The following TRMT61B variants were observed in gnomAD, a reference collection of about 807,000 sequenced individuals.
TRMT61B encodes the protein tRNA (adenine(58)-N(1))-methyltransferase, mitochondrial.
Under a neutral mutation model 52.0 loss-of-function variants are expected in TRMT61B, and 56 were observed. The observed-to-expected ratio is 1.08, with a 90% confidence interval of 0.87 to 1.35. TRMT61B has a LOEUF of 1.35. Ranked by LOEUF, TRMT61B falls within the 40% of genes most tolerant of loss-of-function variation. The probability of loss-of-function intolerance (pLI) is 0.00; values close to 1 mark genes in which losing one functional copy is unlikely to be tolerated. For missense variants in TRMT61B, 650 were observed against 577.9 expected, an observed-to-expected ratio of 1.12 and a Z score of -1.28; for synonymous variants, 206 against 220.0, an observed-to-expected ratio of 0.94 and a Z score of 0.56.
chr2:28,866,861 T>C (rs1005711093), intron 1 of TRMT61B, among the ~76,000 whole-genome samples: 1 of 152,174 alleles, frequency 6.6e-6, no homozygotes, highest in African/African-American at 2.4e-5. Context: ...AGTAGTGCAA[T>C]AGTAGCTCAC....
At chr2:28,858,813 A>G (rs981458807) in intron 3 of TRMT61B, among the ~76,000 whole-genome samples, 3 of 150,956 alleles carry the variant, frequency 2.0e-5, no homozygotes, top group East Asian at 1.9e-4. Context: ...AAAAAAAAAA[A>G]AAAAAAGAAA....
At chr2:28,869,484 T>C in intron 1 of TRMT61B, 95 bp downstream of exon 1, 1 of 841,842 alleles carries the variant, frequency 1.2e-6, no homozygotes, top group Non-Finnish European at 1.9e-6. Flanking sequence ...ATCCAAACGT[T>C]CTGAGATGTC....
chr2:28,866,517 T>A (rs1669855978), intron 1 of TRMT61B, among the ~76,000 whole-genome samples: 1 of 152,100 alleles, frequency 6.6e-6, no homozygotes, highest in Non-Finnish European at 1.5e-5. Flanking sequence ...GAGTTTGCAC[T>A]CCTATGAGAA....
intron 2 of TRMT61B, among the ~76,000 whole-genome samples, chr2:28,864,446 C>G (rs1669742025): frequency 6.6e-6 from 1 of 152,200 alleles, no homozygotes; most frequent in African/African-American, 2.4e-5. Flanking sequence ...CTGCTGCATG[C>G]AATGAGTGAA....
intron 3 of TRMT61B, among the ~76,000 whole-genome samples, chr2:28,860,796 A>T (rs1669568260): frequency 6.6e-6 from 1 of 152,198 alleles, no homozygotes; most frequent in Admixed American, 6.5e-5. Flanking sequence ...TGCCGGGTTC[A>T]ATATGCTTCC....
intron 3 of TRMT61B, among the ~76,000 whole-genome samples, chr2:28,860,441 G>A (rs1669555027): frequency 6.6e-6 from 1 of 152,058 alleles, no homozygotes; most frequent in South Asian, 2.1e-4. Flanking sequence ...ACTGTGAAGT[G>A]GCATCACCAA....
chr2:28,859,983 T>C (rs58713049), intron 3 of TRMT61B, among the ~76,000 whole-genome samples: 1 of 152,014 alleles, frequency 6.6e-6, no homozygotes, highest in East Asian at 1.9e-4. Flanking sequence ...ATAAAAATCA[T>C]TTTCATGGCC....
In TRMT61B at chr2:28,851,125, T is replaced by A; in HGVS notation, c.1259A>T (p.Asp420Val). The change falls in exon 5 of 7, where the codon GAT becomes GTT. Residue 420 changes from aspartate (D) to valine (V), a missense_variant. Coordinates refer to ENST00000306108, the MANE Select transcript of TRMT61B (RefSeq NM_017910.4). ...ESKINTDVQL[D>V]SQEKIGVKGE... ...TTTAACTCCAATTTTCTCTTGAGAATCTAGTTGTACATCTGTGTTGATTTT... is the reference window on the plus strand; with the variant it reads ...TTTAACTCCAATTTTCTCTTGAGAAACTAGTTGTACATCTGTGTTGATTTT... 6.2e-7 allele frequency: 1 copy of A among 1,612,538 alleles called. No individual in the cohort carries two copies. The highest frequency in any genetic ancestry group is 1.7e-4 in the Middle Eastern group (1 of 6,056).
At chr2:28,851,895 A>C (rs1024407207) in intron 4 of TRMT61B, among the ~76,000 whole-genome samples, 7 of 149,494 alleles carry the variant, frequency 4.7e-5, no homozygotes, top group African/African-American at 7.5e-5. Flanking sequence ...AAAAAAAAAA[A>C]AAAAAACGAA....
chr2:28,869,830 G>GTC lies in TRMT61B; in HGVS notation c.446_447dup (p.Pro150AspfsTer8). 6.2e-7 allele frequency: 1 copy of GTC among 1,614,160 alleles called. No individual in the cohort carries two copies. The highest frequency in any genetic ancestry group is 1.1e-5 in the South Asian group (1 of 91,084). On this transcript the variant is annotated frameshift_variant, in exon 1 of 7. Transcript: ENST00000306108. LOFTEE classifies it high-confidence loss of function. ...AAAATCAGTTCCCCAGCCTGAAAGGGTCTCTCTCTGGAAGTTGAACAAGAA... is the reference window on the plus strand; with the variant it reads ...AAAATCAGTTCCCCAGCCTGAAAGGGTCTCTCTCTCTGGAAGTTGAACAAGAA...
At chr2:28,867,590 G>A (rs1669903002) in intron 1 of TRMT61B, among the ~76,000 whole-genome samples, 1 of 152,188 alleles carries the variant, frequency 6.6e-6, no homozygotes, top group African/African-American at 2.4e-5. Context: ...CCTCCTTAGA[G>A]TGGAACAATG....
At chr2:28,850,967 T>C in intron 5 of TRMT61B, 105 bp downstream of exon 5, 2 of 721,846 alleles carry the variant, frequency 2.8e-6, no homozygotes, top group Admixed American at 3.6e-5. Flanking sequence ...ATCACACTTT[T>C]CTATAGAAAA....
At chr2:28,869,351 A>G (rs1378874669) in intron 1 of TRMT61B, among the ~76,000 whole-genome samples, 1 of 152,168 alleles carries the variant, frequency 6.6e-6, no homozygotes, top group East Asian at 1.9e-4. Flanking sequence ...ACATTTTACA[A>G]ATAAGGGACT....
rs770001229 is a variant in TRMT61B at position 28,849,932 on chromosome 2, T to A, written c.*267A>T. ...AATCTATGGAGTGGTTTACAGGAAG[T>A]GAAGAATGAGATGGCCCAACTAAAC... is the stretch of plus-strand genomic sequence containing the variant. On this transcript the variant is annotated 3_prime_UTR_variant, in exon 7 of 7. Transcript: ENST00000306108. 6.3e-7 allele frequency: 1 copy of A among 1,589,266 alleles called. No homozygotes were observed.
intron 1 of TRMT61B, among the ~76,000 whole-genome samples, chr2:28,868,498 C>A (rs181229293): frequency 3.3e-5 from 5 of 152,260 alleles, no homozygotes; most frequent in African/African-American, 9.6e-5. Context: ...TCTTTGTCAC[C>A]CCTTCTAGAA....
chr2:28,868,870 GGTGCATGCCT>G (rs1669960321), intron 1 of TRMT61B, among the ~76,000 whole-genome samples: 1 of 152,156 alleles, frequency 6.6e-6, no homozygotes, highest in Non-Finnish European at 1.5e-5. Context: ...CCGGGGTGGT[GGTGCATGCCT>G]GTAGTCCCAG....
chr2:28,862,204 C>CAAAAAA (rs66527180), intron 2 of TRMT61B, among the ~76,000 whole-genome samples: 2 of 65,460 alleles, frequency 3.1e-5, no homozygotes, highest in Non-Finnish European at 5.5e-5. Flanking sequence ...GACTCCGTCT[C>CAAAAAA]AAAAAAAAAA....
intron 2 of TRMT61B, among the ~76,000 whole-genome samples, chr2:28,862,670 G>T (rs1669659171): frequency 6.6e-6 from 1 of 151,460 alleles, no homozygotes; most frequent in Non-Finnish European, 1.5e-5. Flanking sequence ...TTTTATTATG[G>T]ATGAGGTTGA....
chr2:28,856,692 T>C (rs986188335), intron 3 of TRMT61B, among the ~76,000 whole-genome samples: 1 of 152,080 alleles, frequency 6.6e-6, no homozygotes. Flanking sequence ...TGGAGTACAA[T>C]GGTGCGATCG....
Sources: gnomAD v4.1 joint callset for allele counts (sites outside exome capture counted in the v4.1 genomes callset) on GRCh38, gnomAD v4.1.1 for gene constraint, MANE v1.5 for transcripts, NCBI Gene and HGNC (gene_info 2026-07-23, HGNC 2026-07-21) for gene names.